The following ZNF175 variants were observed in gnomAD, a reference collection of about 807,000 sequenced individuals.
The protein encoded by ZNF175 is zinc finger protein 175.
Under a neutral mutation model 14.0 loss-of-function variants are expected in ZNF175, and 8 were observed. That is an observed-to-expected ratio of 0.57 (90% CI 0.34 to 1.03). ZNF175 has a LOEUF of 1.03. Ranked by LOEUF, ZNF175 falls within the 50% of genes least tolerant of loss-of-function variation. The probability of loss-of-function intolerance (pLI) is 0.03; values close to 1 mark genes in which losing one functional copy is unlikely to be tolerated. For synonymous variants in ZNF175, 255 were observed against 296.8 expected, an observed-to-expected ratio of 0.86 and a Z score of 1.45; for missense variants, 764 against 849.5, an observed-to-expected ratio of 0.90 and a Z score of 1.25.
At chr19:51,576,703 C>A (rs780745672) in intron 2 of ZNF175, among the ~76,000 whole-genome samples, 1 of 152,160 alleles carries the variant, frequency 6.6e-6, no homozygotes, top group Non-Finnish European at 1.5e-5. Context: ...TGGCGCCTCA[C>A]GCTGTCTTCT....
chr19:51,576,115 G>A lies in ZNF175; in HGVS notation c.72+2714G>A, dbSNP rs1208489037. Among the ~76,000 whole-genome samples the A allele has an allele frequency of 2.7e-5, 4 of 150,032 alleles. No individual in the cohort carries two copies. The South Asian group carries it at 8.4e-4, about 32-fold the overall frequency. ...AAATTGAATTTGTTACTAGGTAATT[G>A]CAAACCCTCGCTATTTCAGGGACAG... is the stretch of plus-strand genomic sequence containing the variant. On this transcript the variant is annotated intron_variant, in intron 2 of 4. Coordinates refer to ENST00000262259, the MANE Select transcript of ZNF175 (RefSeq NM_007147.4).
At position 51,573,216 on chromosome 19, in the gene ZNF175, A is replaced by G. The variant is rs765642086; in HGVS notation, c.-114A>G. The G allele has an allele frequency of 2.1e-6, 2 of 973,130 alleles. No homozygotes were observed. The highest frequency in any genetic ancestry group is 3.3e-6 in the Non-Finnish European group (2 of 607,202). The allele number at this position is 973,130 out of a possible 1,614,324, so 60.3% of individuals were successfully genotyped here. A position where few individuals can be genotyped will look rare whatever the true frequency, so the allele number is the denominator to read the frequency against. On this transcript the variant is annotated 5_prime_UTR_variant, in exon 2 of 5. Coordinates refer to ENST00000262259, the MANE Select transcript of ZNF175 (RefSeq NM_007147.4). ...GCAGGATCTCTCTTCATAGCCCAGT[A>G]CGACTCTCCGCCGTGTCCCTGGTTG...
chr19:51,588,375 A>T lies in ZNF175; in HGVS notation c.2044A>T (p.Asn682Tyr). Residue 682 changes from asparagine (N) to tyrosine (Y), a missense_variant, in exon 5 of 5, where the codon AAC becomes TAC. Transcript: ENST00000262259. ...VCSECGKAFN[N>Y]RSNFNKHQTT... ...TTCTGAATGTGGAAAGGCCTTCAAC[A>T]ACAGGTCAAACTTCAATAAACACCA... is the stretch of plus-strand genomic sequence containing the variant. 6.2e-7 allele frequency: 1 copy of T among 1,613,022 alleles called. No individual in the cohort carries two copies. Among genetic ancestry groups the T allele is most frequent in the Non-Finnish European group, 8.5e-7 (1 of 1,179,718 alleles).
intron 2 of ZNF175, among the ~76,000 whole-genome samples, chr19:51,575,940 A>G (rs1042196341): frequency 2.0e-5 from 3 of 152,174 alleles, no homozygotes; most frequent in Admixed American, 6.5e-5. Context: ...AACTATATTC[A>G]GAGCTGCCTG....
At chr19:51,573,686 C>A in intron 2 of ZNF175, 1 of 461,600 alleles carries the variant, frequency 2.2e-6, no homozygotes, top group Non-Finnish European at 3.8e-6. Flanking sequence ...CTGACTCTTT[C>A]CTGCTAAGCA....
intron 4 of ZNF175, among the ~76,000 whole-genome samples, chr19:51,583,878 C>T (rs1303749650): frequency 6.6e-6 from 1 of 152,116 alleles, no homozygotes; most frequent in Non-Finnish European, 1.5e-5. Context: ...CTGCTGATTA[C>T]TTTGTACTTT....
rs545728474 is a variant in ZNF175, at chr19:51,573,439, G to T, written c.72+38G>T. ...AGCCCTGGGGATAGTTCTCCAGAAC[G>T]TGAGGGCAGACACAGGATGCAGCAG... is the stretch of plus-strand genomic sequence containing the variant. On this transcript the variant is annotated intron_variant, in intron 2 of 4. Transcript: ENST00000262259. 4.4e-6 allele frequency: 7 copies of T among 1,605,338 alleles called. No individual in the cohort carries two copies. In the South Asian group the frequency reaches 6.6e-5, roughly 15 times the overall value.
intron 2 of ZNF175, among the ~76,000 whole-genome samples, chr19:51,576,109 G>T (rs1029133157): frequency 4.0e-5 from 6 of 149,692 alleles, no homozygotes; most frequent in Non-Finnish European, 7.4e-5. Flanking sequence ...TTGTTACTAG[G>T]TAATTGCAAA....
intron 4 of ZNF175, among the ~76,000 whole-genome samples, chr19:51,582,799 C>A (rs755725563): frequency 6.6e-6 from 1 of 151,940 alleles, no homozygotes; most frequent in Admixed American, 6.6e-5. Flanking sequence ...GATCTGCTGT[C>A]TTCTTTTCCT....
Position 51,591,263 on chromosome 19 carries a change from T to C in ZNF175, c.*2796T>C, listed in dbSNP as rs6509556. 0.29 allele frequency: 44,089 copies of C among 152,202 alleles called. 9,057 individuals are homozygous for C. Among genetic ancestry groups the C allele is most frequent in the African/African-American group, 0.59 (24,255 of 41,432 alleles). The allele number at this position is 152,202 out of a possible 1,614,324, so 9.4% of individuals were successfully genotyped here. A position where few individuals can be genotyped will look rare whatever the true frequency, so the allele number is the denominator to read the frequency against. ...CCCAGCCTCTGTCTCATACTATTTT[T>C]TCTTTCCTCTCAGTACCAAGCGCTG... On this transcript the variant is annotated 3_prime_UTR_variant, in exon 5 of 5. Transcript: ENST00000262259.
chr19:51,583,691 C>T (rs1982083849), intron 4 of ZNF175, among the ~76,000 whole-genome samples: 1 of 152,194 alleles, frequency 6.6e-6, no homozygotes, highest in South Asian at 2.1e-4. Flanking sequence ...TAAAAACAGG[C>T]AGTTCTATTT....
In ZNF175 at chr19:51,586,887, C is replaced by T. The variant is rs1192629915; in HGVS notation, c.556C>T (p.Pro186Ser). The change falls in exon 5 of 5, where the codon CCC becomes TCC. Residue 186 changes from proline to serine, a missense_variant. Physicochemically the swap from Pro to Ser is moderately conservative, Grantham distance 74. Transcript: ENST00000262259. ...CCCTGGGAAAATGATTCGCACGAGGCCCCACCTTGCTTCTTCACAGAAACA... is the reference window on the plus strand; with the variant it reads ...CCCTGGGAAAATGATTCGCACGAGGTCCCACCTTGCTTCTTCACAGAAACA... Reference protein sequence around the residue: ...KDPGKMIRTRPHLASSQKQPQ... With the variant: ...KDPGKMIRTRSHLASSQKQPQ... 2.4e-5 allele frequency: 38 copies of T among 1,613,996 alleles called. No individual in the cohort carries two copies. The highest frequency in any genetic ancestry group is 3.2e-5 in the Non-Finnish European group (38 of 1,180,026).
At chr19:51,574,499 ACT>A (rs1351524626) in intron 2 of ZNF175, among the ~76,000 whole-genome samples, 1 of 151,994 alleles carries the variant, frequency 6.6e-6, no homozygotes, top group Non-Finnish European at 1.5e-5. Context: ...ACATGGCGAG[ACT>A]CTACAAAAAT....
intron 4 of ZNF175, 98 bp downstream of exon 4, chr19:51,581,980 C>T: frequency 9.1e-7 from 1 of 1,093,742 alleles, no homozygotes; most frequent in Non-Finnish European, 1.3e-6. Context: ...CAGTGATGGC[C>T]CGTAGATTGC....
chr19:51,587,317 A>C lies in ZNF175; in HGVS notation c.986A>C (p.His329Pro). The C allele has an allele frequency of 6.2e-7, 1 of 1,614,242 alleles. No individual in the cohort carries two copies. The highest frequency in any genetic ancestry group is 8.5e-7 in the Non-Finnish European group (1 of 1,180,032). The change falls in exon 5 of 5, where the codon CAT becomes CCT. Residue 329 changes from histidine to proline, a missense_variant. Physicochemically the swap from His to Pro is moderately conservative, Grantham distance 77. Transcript: ENST00000262259. ...QLKLSVYLTD[H>P]TGDIPCICKE... ...AAACTCAGTGTATATCTGACAGATC[A>C]TACAGGTGATATACCCTGTATATGC... is the stretch of plus-strand genomic sequence containing the variant.
chr19:51,580,854 G>GT (rs553087117), intron 2 of ZNF175, among the ~76,000 whole-genome samples: 33 of 152,054 alleles, frequency 2.2e-4, no homozygotes, highest in Non-Finnish European at 4.9e-4. Flanking sequence ...TACTTCCAGC[G>GT]TAAGCTTCAC....
chr19:51,578,281 T>G (rs549493131), intron 2 of ZNF175, among the ~76,000 whole-genome samples: 2 of 151,908 alleles, frequency 1.3e-5, no homozygotes, highest in African/African-American at 4.8e-5. Flanking sequence ...GTGCCTGTAA[T>G]TCCAGCTACT....
At chr19:51,579,009 T>C (rs1039823484) in intron 2 of ZNF175, among the ~76,000 whole-genome samples, 1 of 152,006 alleles carries the variant, frequency 6.6e-6, no homozygotes, top group Non-Finnish European at 1.5e-5. Context: ...ATCTCAGAAC[T>C]TTGGGAGGCA....
At chr19:51,576,081 T>C (rs997086332) in intron 2 of ZNF175, among the ~76,000 whole-genome samples, 1 of 152,244 alleles carries the variant, frequency 6.6e-6, no homozygotes, top group Non-Finnish European at 1.5e-5. Flanking sequence ...GTGTACACAC[T>C]GTCTTCATAA....
Sources: allele counts gnomAD v4.1 joint callset (sites outside exome capture counted in the v4.1 genomes callset), GRCh38; gene constraint gnomAD v4.1.1; transcripts MANE v1.5; gene names NCBI Gene and HGNC (gene_info 2026-07-23, HGNC 2026-07-21).